Variants in STK11 observed in about 807,000 individuals in gnomAD.
STK11 encodes serine/threonine-protein kinase STK11.
STK11 carries 8 observed loss-of-function variants against 47.3 expected under a neutral mutation model. That is an observed-to-expected ratio of 0.17 (90% confidence interval 0.10 to 0.31). STK11 has a LOEUF of 0.31. Ranked by LOEUF, STK11 falls within the 10% of genes least tolerant of loss-of-function variation. The pLI, the probability that STK11 is intolerant of heterozygous loss-of-function variation, is 1.00. For missense variants in STK11, 475 were observed against 605.0 expected, an observed-to-expected ratio of 0.79 and a Z score of 2.25; for synonymous variants, 330 against 255.8, an observed-to-expected ratio of 1.29 and a Z score of -2.77.
At chr19:1,208,255 C>T (rs2080682603) in intron 1 of STK11, among the ~76,000 whole-genome samples, 2 of 151,642 alleles carry the variant, frequency 1.3e-5, no homozygotes, top group South Asian at 4.2e-4. Flanking sequence ...GGGGCTCCTG[C>T]CGTGTCTGCT....
At chr19:1,207,563 C>T (rs2080676608) in intron 1 of STK11, among the ~76,000 whole-genome samples, 1 of 152,244 alleles carries the variant, frequency 6.6e-6, no homozygotes, top group African/African-American at 2.4e-5. Context: ...TGGAATCAGC[C>T]TGTGTTTGTT....
intron 8 of STK11, chr19:1,225,169 C>G (rs1040757805): frequency 1.0e-6 from 1 of 985,340 alleles, no homozygotes; most frequent in Non-Finnish European, 1.2e-6. Context: ...CCCGCTGATG[C>G]AGAGCTGGGG....
chr19:1,225,469 C>T lies in STK11; in HGVS notation c.1109-985C>T, dbSNP rs537841993. 6.9e-6 allele frequency: 6 copies of T among 865,086 alleles called. No homozygotes were observed. The Admixed American group carries it at 1.9e-4, about 27-fold the overall frequency. The allele number at this position is 865,086 out of a possible 1,614,324, so 53.6% of individuals were successfully genotyped here. The stretch of plus-strand genomic sequence containing the variant: ...ATGTTTAGTAGAGACGGGGGTTTCA[C>T]CATGTTGGTCAGGCTGGTCTCAAAC... On this transcript the variant is annotated intron_variant, in intron 8 of 9. Transcript: ENST00000326873.
intron 1 of STK11, among the ~76,000 whole-genome samples, chr19:1,217,088 C>T (rs1001030471): frequency 6.6e-6 from 1 of 152,056 alleles, no homozygotes; most frequent in Non-Finnish European, 1.5e-5. Context: ...TGTACTGTTC[C>T]TCAGGGTGTG....
At chr19:1,210,141 G>A (rs924385165) in intron 1 of STK11, among the ~76,000 whole-genome samples, 1 of 152,142 alleles carries the variant, frequency 6.6e-6, no homozygotes, top group African/African-American at 2.4e-5. Context: ...AGCCCCCTGG[G>A]TGCTGCCAGG....
Position 1,206,645 on chromosome 19 carries a change from G to C in STK11, c.-269G>C. The C allele has an allele frequency of 1.9e-6, 1 of 524,070 alleles. No individual in the cohort carries two copies. The highest frequency in any genetic ancestry group is 3.4e-6 in the Non-Finnish European group (1 of 296,834). The allele number at this position is 524,070 out of a possible 1,614,324, so 32.5% of individuals were successfully genotyped here. On this transcript the variant is annotated 5_prime_UTR_variant, in exon 1 of 10. Transcript: ENST00000326873. ...CCAGTTCTGAGGCCCGGGTCCCACTGGAACTCGCGTCTGAGCCGCCGTCCC... is the reference window on the plus strand; with the variant it reads ...CCAGTTCTGAGGCCCGGGTCCCACTCGAACTCGCGTCTGAGCCGCCGTCCC...
chr19:1,217,817 C>T (rs1237178032), intron 1 of STK11, among the ~76,000 whole-genome samples: 1 of 152,198 alleles, frequency 6.6e-6, no homozygotes, highest in African/African-American at 2.4e-5. Flanking sequence ...ACAGTCTGGG[C>T]TCCATCTGTG....
rs1201537005 is a variant in STK11 at position 1,206,162 on chromosome 19, A to G, written c.-752A>G. 1 of 151,124 alleles carries G rather than the reference A, an allele frequency of 6.6e-6. No individual in the cohort carries two copies. Among genetic ancestry groups the G allele is most frequent in the African/African-American group, 2.5e-5 (1 of 40,800 alleles). The allele number at this position is 151,124 out of a possible 1,614,324, so 9.4% of individuals were successfully genotyped here. ...GGGCGCCTGCCGGGCCCCGGCGACC[A>G]CCTTGGGGGTCGCGGGCCGGCTCGG... On this transcript the variant is annotated 5_prime_UTR_variant, in exon 1 of 10. Transcript: ENST00000326873.
chr19:1,221,486 G>A (rs1445085703), intron 6 of STK11, 146 bp downstream of exon 6: 17 of 1,275,902 alleles, frequency 1.3e-5, no homozygotes, highest in African/African-American at 9.0e-5. Flanking sequence ...CGACCTCCCC[G>A]CAGGGCCTGG....
Position 1,219,256 on chromosome 19 carries a change from C to CT in STK11, c.375-67dup, listed in dbSNP as rs1026178639. Reference sequence around the variant, plus strand: ...AGAGGGTCCCTCCAGAGCCCCTTTTCTGGCCCCCGTGCTCCCTGGGCCTGT... The same window carrying CT: ...AGAGGGTCCCTCCAGAGCCCCTTTTCTTGGCCCCCGTGCTCCCTGGGCCTGT... On this transcript the variant is annotated intron_variant, in intron 2 of 9. Transcript: ENST00000326873. The CT allele has an allele frequency of 2.7e-5, 41 of 1,532,310 alleles. No individual in the cohort carries two copies. The African/African-American group carries it at 4.8e-4, about 18-fold the overall frequency. The allele number at this position is 1,532,310 out of a possible 1,614,324, so 94.9% of individuals were successfully genotyped here.
chr19:1,220,732 C>T lies in STK11; in HGVS notation c.734+15C>T, dbSNP rs766782311. 1.2e-6 allele frequency: 2 copies of T among 1,600,766 alleles called. No individual in the cohort carries two copies. The highest frequency in any genetic ancestry group is 1.3e-5 in the African/African-American group (1 of 74,794). The stretch of plus-strand genomic sequence containing the variant: ...GGGGTCACCCTGTAAGTGCCCCGCC[C>T]CCCCGGGCACTCACCACACGCACAC... On this transcript the variant is annotated intron_variant, in intron 5 of 9. Coordinates refer to ENST00000326873, the MANE Select transcript of STK11 (RefSeq NM_000455.5).
chr19:1,218,584 T>G, intron 2 of STK11, 84 bp downstream of exon 2: 1 of 1,175,694 alleles, frequency 8.5e-7, no homozygotes, highest in Non-Finnish European at 1.3e-6. Context: ...CCTGCTCCTC[T>G]TCCCGTCTCC....
intron 3 of STK11, 139 bp downstream of exon 3, chr19:1,219,552 G>GA (rs2080768000): frequency 1.2e-6 from 1 of 842,376 alleles, no homozygotes; most frequent in South Asian, 2.1e-5. Flanking sequence ...TTGTTTTTTT[G>GA]TGTTTTTTTT....
At chr19:1,221,819 G>A (rs2080786394) in intron 6 of STK11, 130 bp from the exon 7 acceptor site, 11 of 1,049,346 alleles carry the variant, frequency 1.0e-5, no homozygotes, top group Non-Finnish European at 1.6e-5. Context: ...GACCGCCTGT[G>A]CGCGGGGTCC....
intron 1 of STK11, among the ~76,000 whole-genome samples, chr19:1,216,001 G>A (rs1010998817): frequency 6.6e-6 from 1 of 151,790 alleles, no homozygotes; most frequent in Non-Finnish European, 1.5e-5. Context: ...CCATAGTGTC[G>A]GGATTACAGG....
Position 1,219,319 on chromosome 19 carries a change from C to T in STK11, c.375-5C>T, listed in dbSNP as rs1057517626. 3 of 1,580,360 alleles carry T rather than the reference C, an allele frequency of 1.9e-6. No individual in the cohort carries two copies. The highest frequency in any genetic ancestry group is 1.7e-6 in the Non-Finnish European group (2 of 1,163,808). ...CCCCTGAGCTGTGTGTCCTTAGCGC[C>T]CCACGTATATGGTGATGGAGTACTG... is the stretch of plus-strand genomic sequence containing the variant. On this transcript the variant is annotated splice_region_variant and splice_polypyrimidine_tract_variant and intron_variant, in intron 2 of 9. Transcript: ENST00000326873.
chr19:1,223,775 A>G (rs2080802470), intron 8 of STK11: 1 of 1,037,126 alleles, frequency 9.6e-7, no homozygotes. Flanking sequence ...GCCTTAGCGT[A>G]GGGGCGGCCC....
At chr19:1,218,552 C>A (rs2145421020) in intron 2 of STK11, 52 bp downstream of exon 2, 1 of 1,480,876 alleles carries the variant, frequency 6.8e-7, no homozygotes, top group South Asian at 1.1e-5. Context: ...GGGCTGGGGC[C>A]CTGGGTCCGC....
intron 1 of STK11, among the ~76,000 whole-genome samples, chr19:1,215,705 T>G (rs1599922515): frequency 6.6e-6 from 1 of 151,254 alleles, no homozygotes; most frequent in African/African-American, 2.4e-5. Flanking sequence ...GAGCTGGGGG[T>G]GGGGAAGGCT....
Sources: allele counts gnomAD v4.1 joint callset (sites outside exome capture counted in the v4.1 genomes callset), GRCh38; gene constraint gnomAD v4.1.1; transcripts MANE v1.5; gene names NCBI Gene and HGNC (gene_info 2026-07-23, HGNC 2026-07-21).